The following CABCOCO1 variants were observed in gnomAD, a reference collection of about 807,000 sequenced individuals.
The protein encoded by CABCOCO1 is ciliary associated calcium binding coiled-coil 1, also known as ciliary-associated calcium-binding coiled-coil protein 1.
A neutral mutation model predicts 35.7 loss-of-function variants in CABCOCO1; 28 were observed. That is an observed-to-expected ratio of 0.78 (90% CI 0.58 to 1.07). The LOEUF (loss-of-function observed/expected upper bound fraction) is 1.07. Ranked by LOEUF, CABCOCO1 falls within the 50% of genes least tolerant of loss-of-function variation. The probability of loss-of-function intolerance (pLI) is 0.00; values close to 1 mark genes in which losing one functional copy is unlikely to be tolerated. For missense variants in CABCOCO1, 326 were observed against 309.2 expected (o/e 1.05, Z -0.41); for synonymous variants, 95 against 100.1 (o/e 0.95, Z 0.30).
intron 1 of CABCOCO1, among the ~76,000 whole-genome samples, chr10:61,665,820 G>A (rs970213505): frequency 1.3e-5 from 2 of 151,074 alleles, no homozygotes; most frequent in East Asian, 3.9e-4. Context: ...CCGGGAGGCG[G>A]AGCTTGCAGT....
intron 7 of CABCOCO1, 29 bp from the exon 8 acceptor site, chr10:61,765,909 TA>T: frequency 6.3e-7 from 1 of 1,595,136 alleles, no homozygotes; most frequent in Non-Finnish European, 8.6e-7. Context: ...AGCTCCATCA[TA>T]ACCACGTTTT....
intron 4 of CABCOCO1, among the ~76,000 whole-genome samples, chr10:61,686,953 C>A (rs940905855): frequency 6.6e-6 from 1 of 152,094 alleles, no homozygotes; most frequent in Non-Finnish European, 1.5e-5. Context: ...AAAGCTTCTG[C>A]ATAATATTTT....
intron 5 of CABCOCO1, among the ~76,000 whole-genome samples, chr10:61,754,406 T>G (rs1375092910): frequency 2.6e-5 from 4 of 152,136 alleles, no homozygotes; most frequent in Admixed American, 6.6e-5. Flanking sequence ...GCATTTACAC[T>G]ACAAGAAGGT....
intron 5 of CABCOCO1, among the ~76,000 whole-genome samples, chr10:61,754,000 T>C (rs1841847070): frequency 6.6e-6 from 1 of 152,174 alleles, no homozygotes; most frequent in South Asian, 2.1e-4. Context: ...TATTCTAGTC[T>C]GTCTTTCAAT....
At chr10:61,751,069 T>G (rs1841771941) in intron 5 of CABCOCO1, among the ~76,000 whole-genome samples, 1 of 151,934 alleles carries the variant, frequency 6.6e-6, no homozygotes, top group African/African-American at 2.4e-5. Flanking sequence ...TTGAGCTGGG[T>G]GGAAAGTCCA....
At chr10:61,734,044 C>T (rs1445035404) in intron 5 of CABCOCO1, among the ~76,000 whole-genome samples, 1 of 151,858 alleles carries the variant, frequency 6.6e-6, no homozygotes, top group African/African-American at 2.4e-5. Flanking sequence ...GTTATACTTC[C>T]CCCCGCTTAC....
At chr10:61,726,896 GAAAAA>G (rs947127512) in intron 5 of CABCOCO1, among the ~76,000 whole-genome samples, 8 of 88,660 alleles carry the variant, frequency 9.0e-5, no homozygotes. Context: ...CGTCTCTACA[GAAAAA>G]AAAAAAAAAA....
intron 5 of CABCOCO1, among the ~76,000 whole-genome samples, chr10:61,725,063 G>A (rs973620233): frequency 6.6e-6 from 1 of 152,090 alleles, no homozygotes; most frequent in Non-Finnish European, 1.5e-5. Context: ...TACTGTTGTA[G>A]TGTTTTCCTT....
At chr10:61,726,199 C>G (rs1841145156) in intron 5 of CABCOCO1, among the ~76,000 whole-genome samples, 1 of 152,154 alleles carries the variant, frequency 6.6e-6, no homozygotes. Flanking sequence ...AAGATTTCTG[C>G]TCTAGTGTTA....
At chr10:61,706,597 G>T (rs1203886012) in intron 5 of CABCOCO1, among the ~76,000 whole-genome samples, 2 of 151,990 alleles carry the variant, frequency 1.3e-5, no homozygotes, top group African/African-American at 4.8e-5. Flanking sequence ...TAAATATTTG[G>T]CCCGCTGCTT....
intron 5 of CABCOCO1, chr10:61,701,927 T>C (rs568734699): frequency 3.9e-6 from 2 of 511,242 alleles, no homozygotes; most frequent in Non-Finnish European, 5.0e-6. Flanking sequence ...AAACCAAAGA[T>C]CGTTGGATCT....
At chr10:61,697,667 A>T (rs1401163475) in intron 5 of CABCOCO1, among the ~76,000 whole-genome samples, 1 of 152,116 alleles carries the variant, frequency 6.6e-6, no homozygotes, top group East Asian at 1.9e-4. Flanking sequence ...TACAATGTGA[A>T]TGTCTTCACA....
intron 7 of CABCOCO1, among the ~76,000 whole-genome samples, chr10:61,764,486 T>G (rs1391501823): frequency 6.6e-6 from 1 of 152,102 alleles, no homozygotes; most frequent in African/African-American, 2.4e-5. Flanking sequence ...ATTCCCCTAC[T>G]TAATTTTTAA....
At chr10:61,762,631 G>A (rs1408413027) in intron 7 of CABCOCO1, among the ~76,000 whole-genome samples, 1 of 152,070 alleles carries the variant, frequency 6.6e-6, no homozygotes, top group Non-Finnish European at 1.5e-5. Flanking sequence ...AGTAATCCTA[G>A]TAAACTCCAT....
chr10:61,717,969 A>C (rs1840907769), intron 5 of CABCOCO1, among the ~76,000 whole-genome samples: 1 of 152,216 alleles, frequency 6.6e-6, no homozygotes, highest in Non-Finnish European at 1.5e-5. Flanking sequence ...ATTTGAGATT[A>C]CTGGAAAATA....
chr10:61,715,490 T>C (rs147091513), intron 5 of CABCOCO1, among the ~76,000 whole-genome samples: 7,953 of 152,280 alleles, frequency 0.052, 743 homozygotes, highest in African/African-American at 0.18. Flanking sequence ...TGTCCTTTAA[T>C]TGGGGCATTT....
At chr10:61,734,556 G>A (rs1240351630) in intron 5 of CABCOCO1, among the ~76,000 whole-genome samples, 2 of 151,956 alleles carry the variant, frequency 1.3e-5, no homozygotes, top group Non-Finnish European at 2.9e-5. Flanking sequence ...GAAAAACCAG[G>A]AAGTTTTACG....
intron 5 of CABCOCO1, among the ~76,000 whole-genome samples, chr10:61,721,021 T>C (rs2132041177): frequency 7.1e-6 from 1 of 140,844 alleles, no homozygotes; most frequent in African/African-American, 2.6e-5. Flanking sequence ...GCCTCCCGGG[T>C]TCACGCCATT....
At chr10:61,677,811 G>GTTTTTTTTTTTTTT (rs35492889) in intron 2 of CABCOCO1, among the ~76,000 whole-genome samples, 8 of 60,310 alleles carry the variant, frequency 1.3e-4, no homozygotes, top group Non-Finnish European at 1.7e-4. Flanking sequence ...TTTTTTGGGT[G>GTTTTTTTTTTTTTT]TTTTTTTTTT....
Sources: allele counts gnomAD v4.1 joint callset (sites outside exome capture counted in the v4.1 genomes callset), GRCh38; gene constraint gnomAD v4.1.1; transcripts MANE v1.5; gene names NCBI Gene and HGNC (gene_info 2026-07-23, HGNC 2026-07-21).